LARGE1: variants seen among roughly 807,000 people sequenced by gnomAD.
LARGE1 encodes the protein LARGE xylosyl- and glucuronyltransferase 1.
In LARGE1, 43 loss-of-function variants were observed where a neutral mutation model predicts 87.6. The ratio of observed to expected loss-of-function variants is 0.49; its 90% CI spans 0.38 to 0.63. The LOEUF is 0.63. Among genes scored for constraint, LARGE1 ranks in the 30% least tolerant of loss-of-function variants. The probability of loss-of-function intolerance (pLI) is 0.00; values close to 1 mark genes in which losing one functional copy is unlikely to be tolerated. For synonymous variants in LARGE1, 434 were observed against 394.6 expected (o/e 1.10, Z -1.18); for missense variants, 802 against 1,000.2 (o/e 0.80, Z 2.67).
intron 7 of LARGE1, among the ~76,000 whole-genome samples, chr22:33,389,456 T>A (rs1181467963): frequency 6.6e-6 from 1 of 152,200 alleles, no homozygotes; most frequent in Non-Finnish European, 1.5e-5. Context: ...TTGTCACCCA[T>A]GTGTGACACA....
chr22:33,156,026 A>G, the LARGE1 span, among the ~76,000 whole-genome samples: 2 of 152,216 alleles, frequency 1.3e-5, no homozygotes, highest in Non-Finnish European at 1.5e-5. Context: ...AAGTCAAAAA[A>G]TGAAGTTTGG....
At chr22:33,666,734 A>G (rs1304299697) in intron 2 of LARGE1, among the ~76,000 whole-genome samples, 1 of 152,104 alleles carries the variant, frequency 6.6e-6, no homozygotes, top group Non-Finnish European at 1.5e-5. Context: ...ATGGCCTAGA[A>G]ATGGTTAATT....
At position 33,192,856 on chromosome 22, in the gene LARGE1, A is replaced by G. The variant is rs190999879; in HGVS notation, c.1731-26024T>C. On this transcript the variant is annotated intron_variant, in intron 11 of 11. Transcript: ENST00000608642. The stretch of plus-strand genomic sequence containing the variant: ...AGCTGATTTTTGTGTATGGGGTGAG[A>G]TAAGAGTCCAATTACATTCTTCATG... 3.3e-3 allele frequency among the ~76,000 whole-genome samples: 498 copies of G among 152,276 alleles called. 3 individuals are homozygous for G. The highest frequency in any genetic ancestry group is 0.017 in the Middle Eastern group (5 of 294).
intron 11 of LARGE1, among the ~76,000 whole-genome samples, chr22:33,228,575 C>A (rs575940120): frequency 2.6e-5 from 4 of 152,298 alleles, no homozygotes; most frequent in African/African-American, 9.6e-5. Flanking sequence ...TCCTTAGTAC[C>A]ATAAATATTG....
intron 3 of LARGE1, among the ~76,000 whole-genome samples, chr22:33,637,390 AG>A (rs1232459123): frequency 2.0e-5 from 3 of 152,200 alleles, no homozygotes; most frequent in Non-Finnish European, 4.4e-5. Flanking sequence ...CAGCACAGAC[AG>A]GGGGCTGGCA....
At chr22:33,497,891 T>C (rs778533446) in intron 6 of LARGE1, among the ~76,000 whole-genome samples, 14 of 152,120 alleles carry the variant, frequency 9.2e-5, no homozygotes, top group Non-Finnish European at 1.3e-4. Context: ...ATTTGTTTGT[T>C]TGTTTATTTT....
chr22:33,628,405 C>A (rs1398073223), intron 3 of LARGE1, among the ~76,000 whole-genome samples: 1 of 151,890 alleles, frequency 6.6e-6, no homozygotes. Context: ...CAACCTCTGC[C>A]CCCCAGGTTC....
chr22:33,809,874 C>A (rs1406240802), intron 1 of LARGE1, among the ~76,000 whole-genome samples: 1 of 151,458 alleles, frequency 6.6e-6, no homozygotes, highest in Non-Finnish European at 1.5e-5. Flanking sequence ...AAACCAGAAG[C>A]TTGTGTTAAA....
rs188396406 is a variant in LARGE1 at position 33,322,094 on chromosome 22, C to T, written c.1288-5846G>A. ...TCGGCCTCCCAAAGTGCTGAGATTA[C>T]GGGCATGAGCTACTGCGTCTGGCCT... is the stretch of plus-strand genomic sequence containing the variant. On this transcript the variant is annotated intron_variant, in intron 10 of 14. Coordinates refer to ENST00000397394, the MANE Select transcript of LARGE1 (RefSeq NM_133642.5). Among the ~76,000 whole-genome samples, 965 of 152,258 alleles carry T rather than the reference C, an allele frequency of 6.3e-3. 12 individuals carry two copies. Among genetic ancestry groups the T allele is most frequent in the African/African-American group, 0.022 (913 of 41,530 alleles).
At position 33,284,954 on chromosome 22, in the gene LARGE1, C is replaced by T. The variant is rs77307732; in HGVS notation, c.1731-1606G>A. Among the ~76,000 whole-genome samples the T allele has an allele frequency of 3.6e-3, 542 of 152,326 alleles. 4 individuals carry two copies. Among genetic ancestry groups the T allele is most frequent in the Non-Finnish European group, 4.1e-3 (277 of 68,030 alleles). On this transcript the variant is annotated intron_variant, in intron 12 of 14. Transcript: ENST00000397394. ...TATGAGACCTGCCATCCTGGGAAAG[C>T]GATTTAGCTCCTCACTACCTTTGGT...
chr22:33,749,544 C>A (rs1188305439), intron 2 of LARGE1, among the ~76,000 whole-genome samples: 1 of 152,172 alleles, frequency 6.6e-6, no homozygotes, highest in Non-Finnish European at 1.5e-5. Context: ...GGGCTATGTT[C>A]CCCCAACCAT....
chr22:33,105,005 T>C, the LARGE1 span, among the ~76,000 whole-genome samples: 2 of 149,196 alleles, frequency 1.3e-5, no homozygotes, highest in Non-Finnish European at 2.9e-5. Flanking sequence ...TCTCTCTCTT[T>C]CTTTCTTTTT....
chr22:33,520,360 G>A (rs1206541880), intron 6 of LARGE1, among the ~76,000 whole-genome samples: 2 of 152,168 alleles, frequency 1.3e-5, no homozygotes, highest in African/African-American at 4.8e-5. Flanking sequence ...ACAGGCAAGA[G>A]CCACTGTGTC....
intron 1 of LARGE1, among the ~76,000 whole-genome samples, chr22:33,911,194 G>C (rs1290239683): frequency 6.6e-6 from 1 of 152,194 alleles, no homozygotes; most frequent in Non-Finnish European, 1.5e-5. Context: ...GAGGACCAGG[G>C]AGCCTAGGTT....
rs532304365 is a variant in LARGE1 at position 33,387,367 on chromosome 22, C to T, written c.893-3063G>A. 7.4e-5 allele frequency among the ~76,000 whole-genome samples: 10 copies of T among 135,148 alleles called. 1 individual carries two copies. The highest frequency in any genetic ancestry group is 1.7e-4 in the African/African-American group (6 of 34,948). 88.7% of individuals were successfully genotyped at this position (135,148 alleles called of 152,430 possible). The stretch of plus-strand genomic sequence containing the variant: ...GCTTGAACCCAGGAGACGGAGGATG[C>T]GGTGAGCTGAGATTGCACCACTGTC... On this transcript the variant is annotated intron_variant, in intron 7 of 14. Coordinates refer to ENST00000397394, the MANE Select transcript of LARGE1 (RefSeq NM_133642.5).
chr22:33,778,582 T>C (rs375326818), intron 1 of LARGE1, among the ~76,000 whole-genome samples: 1 of 152,194 alleles, frequency 6.6e-6, no homozygotes, highest in Non-Finnish European at 1.5e-5. Flanking sequence ...ACATGGCCTT[T>C]TGGGTCTGGT....
At chr22:33,880,755 G>C (rs547217469) in intron 1 of LARGE1, among the ~76,000 whole-genome samples, 2 of 152,104 alleles carry the variant, frequency 1.3e-5, no homozygotes, top group Admixed American at 6.6e-5. Flanking sequence ...AATTCATATG[G>C]ATATTTTCAT....
In LARGE1 at chr22:33,381,964, G is replaced by C; in HGVS notation, c.1086C>G (p.Asp362Glu). The stretch of plus-strand genomic sequence containing the variant: ...TGTAGCACTGCTCGGAGCGGGTGTG[G>C]TCTGACAGCTGCACATTCCAGAAGC... ...LPCFWNVQLS[D>E]HTRSEQCYRD... Residue 362 changes from aspartate to glutamate, a missense_variant, in exon 9 of 15, where the codon GAC becomes GAG. Coordinates refer to ENST00000397394, the MANE Select transcript of LARGE1 (RefSeq NM_133642.5). 1 of 1,614,116 alleles carries C rather than the reference G, an allele frequency of 6.2e-7. No individual in the cohort carries two copies.
Position 33,801,256 on chromosome 22 carries a change from C to T in LARGE1, c.-82-39698G>A, listed in dbSNP as rs28784636. On this transcript the variant is annotated intron_variant, in intron 1 of 14. Coordinates refer to ENST00000397394, the MANE Select transcript of LARGE1 (RefSeq NM_133642.5). ...GTCTCAGGTATGTCTTTATCAGCCG[C>T]ATGAAAATGTACTAATACATATGGT... 9.6e-3 allele frequency among the ~76,000 whole-genome samples: 1,459 copies of T among 152,220 alleles called. 20 individuals carry two copies. Among genetic ancestry groups the T allele is most frequent in the African/African-American group, 0.033 (1,385 of 41,520 alleles).
Sources: gnomAD v4.1 joint callset for allele counts (sites outside exome capture counted in the v4.1 genomes callset) on GRCh38, gnomAD v4.1.1 for gene constraint, MANE v1.5 for transcripts, NCBI Gene and HGNC (gene_info 2026-07-23, HGNC 2026-07-21) for gene names.